Variants in ASZ1 observed in about 807,000 individuals in gnomAD.
The protein encoded by ASZ1 is ankyrin repeat, SAM and basic leucine zipper domain containing 1.
A neutral mutation model predicts 61.8 loss-of-function variants in ASZ1; 67 were observed. That is an observed-to-expected ratio of 1.08 (90% confidence interval 0.89 to 1.33). The LOEUF is 1.33. Among genes scored for constraint, ASZ1 ranks in the 40% most tolerant of loss-of-function variants. ASZ1 has a pLI of 0.00. For missense variants in ASZ1, 577 were observed against 554.5 expected (o/e 1.04, Z -0.41); for synonymous variants, 193 against 192.7 (o/e 1.00, Z -0.01).
intron 4 of ASZ1, among the ~76,000 whole-genome samples, chr7:117,409,314 CA>C (rs991470916): frequency 4.0e-5 from 6 of 151,628 alleles, no homozygotes; most frequent in Non-Finnish European, 8.9e-5. Flanking sequence ...ACAGGTAAAA[CA>C]AGGAAAGAAT....
Position 117,368,736 on chromosome 7 carries a change from C to G in ASZ1, c.1056-19G>C, listed in dbSNP as rs1222739697. On this transcript the variant is annotated intron_variant, in intron 10 of 12. Coordinates refer to ENST00000284629, the MANE Select transcript of ASZ1 (RefSeq NM_130768.3). ...ATCACCACTAAAGAAAGGAAACAAA[C>G]AAACAAGCAGGAATTACTAATAAGA... 9 of 1,608,112 alleles carry G rather than the reference C, an allele frequency of 5.6e-6. No individual in the cohort carries two copies. The highest frequency in any genetic ancestry group is 7.6e-6 in the Non-Finnish European group (9 of 1,178,380).
At chr7:117,411,583 G>C (rs1384118091) in intron 4 of ASZ1, among the ~76,000 whole-genome samples, 1 of 151,794 alleles carries the variant, frequency 6.6e-6, no homozygotes, top group Admixed American at 6.6e-5. Context: ...TAACTTGCAA[G>C]ATTTTAAATG....
At chr7:117,393,546 CA>C (rs1283922048) in intron 4 of ASZ1, among the ~76,000 whole-genome samples, 1 of 151,522 alleles carries the variant, frequency 6.6e-6, no homozygotes, top group Non-Finnish European at 1.5e-5. Context: ...TGATATTTAC[CA>C]GGTATAAATA....
chr7:117,366,184 A>C (rs1795933012), intron 12 of ASZ1, among the ~76,000 whole-genome samples: 1 of 152,130 alleles, frequency 6.6e-6, no homozygotes, highest in Non-Finnish European at 1.5e-5. Context: ...GAATTGCTTG[A>C]ATCTGGAAGG....
At chr7:117,369,714 T>A (rs908589687) in intron 10 of ASZ1, among the ~76,000 whole-genome samples, 4 of 152,128 alleles carry the variant, frequency 2.6e-5, no homozygotes, top group African/African-American at 9.7e-5. Context: ...TGATTCTCAG[T>A]TTTTTTGGTT....
At chr7:117,410,523 A>G (rs1048161634) in intron 4 of ASZ1, among the ~76,000 whole-genome samples, 2 of 151,764 alleles carry the variant, frequency 1.3e-5, no homozygotes, top group African/African-American at 4.8e-5. Flanking sequence ...GTAAAAAATT[A>G]CAAAGAAAGT....
intron 7 of ASZ1, 146 bp downstream of exon 7, chr7:117,382,840 G>T: frequency 2.2e-6 from 2 of 925,084 alleles, no homozygotes; most frequent in South Asian, 3.2e-5. Context: ...TAAAATTCTG[G>T]AGAACACTAA....
At chr7:117,379,847 G>T in intron 10 of ASZ1, 91 bp downstream of exon 10, 1 of 802,612 alleles carries the variant, frequency 1.2e-6, no homozygotes, top group Non-Finnish European at 1.9e-6. Flanking sequence ...ATGGTATCAA[G>T]TAAAATGACT....
intron 4 of ASZ1, among the ~76,000 whole-genome samples, chr7:117,407,887 T>C (rs1032919667): frequency 6.6e-6 from 1 of 152,188 alleles, no homozygotes; most frequent in Non-Finnish European, 1.5e-5. Context: ...TGTCAGAAGA[T>C]AATGTAGATG....
intron 2 of ASZ1, among the ~76,000 whole-genome samples, chr7:117,423,000 G>A (rs573718671): frequency 6.8e-4 from 103 of 152,262 alleles, no homozygotes; most frequent in African/African-American, 2.3e-3. Flanking sequence ...AAGTTTATAC[G>A]ACAATCAGAG....
intron 10 of ASZ1, among the ~76,000 whole-genome samples, chr7:117,368,979 G>A (rs947457410): frequency 5.9e-5 from 9 of 152,088 alleles, no homozygotes; most frequent in Non-Finnish European, 8.8e-5. Flanking sequence ...CATGAAGGAG[G>A]AAGACAAAAT....
At chr7:117,410,811 T>C (rs1467248688) in intron 4 of ASZ1, among the ~76,000 whole-genome samples, 2 of 151,690 alleles carry the variant, frequency 1.3e-5, no homozygotes, top group African/African-American at 4.8e-5. Flanking sequence ...ATTTAAAGCA[T>C]AGCCAAAGAT....
chr7:117,400,751 C>T (rs999779827), intron 4 of ASZ1, among the ~76,000 whole-genome samples: 1 of 152,118 alleles, frequency 6.6e-6, no homozygotes, highest in African/African-American at 2.4e-5. Flanking sequence ...AGCATTCCCA[C>T]AAATAGCAGA....
intron 10 of ASZ1, among the ~76,000 whole-genome samples, chr7:117,373,641 C>G (rs1584718331): frequency 6.6e-6 from 1 of 152,058 alleles, no homozygotes; most frequent in Non-Finnish European, 1.5e-5. Flanking sequence ...AAAACCTTTT[C>G]CATAACAGCA....
chr7:117,382,009 T>G, intron 8 of ASZ1, 60 bp downstream of exon 8: 3 of 1,089,466 alleles, frequency 2.8e-6, no homozygotes, highest in Non-Finnish European at 4.2e-6. Context: ...TATCTAACAT[T>G]ATATTAACCA....
At chr7:117,370,393 A>G (rs1268586354) in intron 10 of ASZ1, among the ~76,000 whole-genome samples, 1 of 152,182 alleles carries the variant, frequency 6.6e-6, no homozygotes, top group Non-Finnish European at 1.5e-5. Flanking sequence ...GAAAATCAGT[A>G]GTTAAGAGTT....
At chr7:117,418,601 C>G (rs1049281702) in intron 4 of ASZ1, among the ~76,000 whole-genome samples, 1 of 151,306 alleles carries the variant, frequency 6.6e-6, no homozygotes, top group African/African-American at 2.4e-5. Context: ...TGCAGTGAGC[C>G]AAGATCGTGC....
chr7:117,409,298 A>G (rs1485509669), intron 4 of ASZ1, among the ~76,000 whole-genome samples: 3 of 152,018 alleles, frequency 2.0e-5, no homozygotes, highest in Admixed American at 2.0e-4. Context: ...AACAGCTCTA[A>G]TAAGAACAGG....
At chr7:117,425,265 T>TTTC (rs1329695235) in intron 2 of ASZ1, among the ~76,000 whole-genome samples, 7 of 132,858 alleles carry the variant, frequency 5.3e-5, no homozygotes, top group Non-Finnish European at 8.0e-5. Context: ...ATTTCTTTTT[T>TTTC]TTTTTTTTTT....
Sources: gnomAD v4.1 joint callset for allele counts (sites outside exome capture counted in the v4.1 genomes callset) on GRCh38, gnomAD v4.1.1 for gene constraint, MANE v1.5 for transcripts, NCBI Gene and HGNC (gene_info 2026-07-23, HGNC 2026-07-21) for gene names.